PGD: variants seen among roughly 807,000 people sequenced by gnomAD.
PGD encodes phosphogluconate dehydrogenase, also known as 6-phosphogluconate dehydrogenase, decarboxylating.
A neutral mutation model predicts 60.4 loss-of-function variants in PGD; 21 were observed. That is an observed-to-expected ratio of 0.35 (90% confidence interval 0.25 to 0.50). PGD has a LOEUF of 0.50. PGD is among the 20% of genes least tolerant of loss of function. The pLI, the probability that PGD is intolerant of heterozygous loss-of-function variation, is 0.98. For missense variants in PGD, 477 were observed against 613.1 expected (o/e 0.78, Z 2.34); for synonymous variants, 230 against 235.9 (o/e 0.97, Z 0.23).
chr1:10,419,614 C>A lies in PGD; in HGVS notation c.1333-16C>A, dbSNP rs199525398. 2 of 1,613,920 alleles carry A rather than the reference C, an allele frequency of 1.2e-6. No homozygotes were observed. The highest frequency in any genetic ancestry group is 4.5e-5 in the East Asian group (2 of 44,896). On this transcript the variant is annotated splice_polypyrimidine_tract_variant and intron_variant, in intron 12 of 12. Transcript: ENST00000270776. ...GCCATGGACTGTCCTGACCAACCTA[C>A]TCTCTCGTTTCCTAGGCTCAGCGGG...
chr1:10,419,308 C>T (rs1302493158), intron 11 of PGD, 109 bp from the exon 12 acceptor site: 13 of 1,467,284 alleles, frequency 8.9e-6, no homozygotes, highest in South Asian at 6.4e-5. Flanking sequence ...TGAGCCACCG[C>T]GCCTGGCCTA....
At position 10,399,689 on chromosome 1, in the gene PGD, T is replaced by C. The variant is rs368472506; in HGVS notation, c.69T>C (p.Asn23=). Reference sequence around the variant, plus strand: ...GCCAGAACTTAATTCTGAACATGAATGACCACGGCTTTGTGGTAAGCGGCG... The same window carrying C: ...GCCAGAACTTAATTCTGAACATGAACGACCACGGCTTTGTGGTAAGCGGCG... ...VMGQNLILNM[N]DHGFVVCAFN... The change falls in exon 2 of 13, where the codon AAT becomes AAC. Residue 23 remains asparagine (N), a synonymous_variant. Transcript: ENST00000270776. 2 of 1,614,024 alleles carry C rather than the reference T, an allele frequency of 1.2e-6. No individual in the cohort carries two copies. Among genetic ancestry groups the C allele is most frequent in the Non-Finnish European group, 1.7e-6 (2 of 1,180,006 alleles).
intron 2 of PGD, 53 bp from the exon 3 acceptor site, chr1:10,400,339 GT>G: frequency 2.2e-6 from 3 of 1,371,076 alleles, no homozygotes; most frequent in Non-Finnish European, 3.1e-6. Flanking sequence ...TTTGGCCACA[GT>G]CTGAAAGTCT....
chr1:10,417,402 T>A lies in PGD; in HGVS notation c.1002T>A (p.Ser334=). ...RKALYASKII[S]YAQGFMLLRQ... is the part of the protein sequence containing the mutation. ...CACTCTACGCTTCCAAGATCATCTCTTACGCTCAAGGCTTTATGCTGCTAA... is the reference window on the plus strand; with the variant it reads ...CACTCTACGCTTCCAAGATCATCTCATACGCTCAAGGCTTTATGCTGCTAA... The change falls in exon 10 of 13, where the codon TCT becomes TCA. Residue 334 remains serine (S), a synonymous_variant. Coordinates refer to ENST00000270776, the MANE Select transcript of PGD (RefSeq NM_002631.4). 1 of 1,613,048 alleles carries A rather than the reference T, an allele frequency of 6.2e-7. No homozygotes were observed. The highest frequency in any genetic ancestry group is 8.5e-7 in the Non-Finnish European group (1 of 1,179,592).
At chr1:10,403,396 C>A (rs1639348052) in intron 4 of PGD, among the ~76,000 whole-genome samples, 1 of 151,924 alleles carries the variant, frequency 6.6e-6, no homozygotes, top group Admixed American at 6.6e-5. Flanking sequence ...TCAAGACCAT[C>A]CTGGCTAACA....
At chr1:10,401,701 T>C (rs1639318589) in intron 3 of PGD, among the ~76,000 whole-genome samples, 1 of 152,270 alleles carries the variant, frequency 6.6e-6, no homozygotes, top group African/African-American at 2.4e-5. Context: ...TGGAGCCTTG[T>C]AGGGGGAAGA....
chr1:10,417,147 G>C, intron 9 of PGD, 30 bp downstream of exon 9: 2 of 1,613,040 alleles, frequency 1.2e-6, no homozygotes, highest in Non-Finnish European at 1.7e-6. Context: ...AGTGGTCTTT[G>C]TTGGTCCTGC....
At position 10,400,558 on chromosome 1, in the gene PGD, T is replaced by G. The variant is rs369884533; in HGVS notation, c.250T>G (p.Phe84Val). 16 of 1,613,354 alleles carry G rather than the reference T, an allele frequency of 9.9e-6. No homozygotes were observed. Among genetic ancestry groups the G allele is most frequent in the Non-Finnish European group, 1.4e-5 (16 of 1,179,670 alleles). ...LVKAGQAVDD[F>V]IEKLVPLLDT... ...GAAGGCTGGGCAAGCTGTGGATGAT[T>G]TCATCGAGAAATTGGTGAGGCCAGC... The change falls in exon 3 of 13, where the codon TTC becomes GTC. Residue 84 changes from phenylalanine to valine, a missense_variant. Phe to Val is a conservative substitution (Grantham distance 50). Around this residue, in one of 3 missense-constraint regions of PGD, gnomAD observed 431 missense variants for 556.6 expected, o/e 0.77. Coordinates refer to ENST00000270776, the MANE Select transcript of PGD (RefSeq NM_002631.4).
chr1:10,399,150 C>T, intron 1 of PGD, 25 bp downstream of exon 1: 1 of 1,607,694 alleles, frequency 6.2e-7, no homozygotes, highest in Non-Finnish European at 8.5e-7. Flanking sequence ...AGGGGCAGCC[C>T]GGCTCGGCCT....
At position 10,403,140 on chromosome 1, in the gene PGD, A is replaced by G; in HGVS notation, c.330+4A>G. On this transcript the variant is annotated splice_donor_region_variant and intron_variant, in intron 4 of 12. Coordinates refer to ENST00000270776, the MANE Select transcript of PGD (RefSeq NM_002631.4). ...TTCTGAATATAGGGACACCACAGTA[A>G]GTGTTCTTCAGTCCAGATTCTTCCA... is the stretch of plus-strand genomic sequence containing the variant. The G allele has an allele frequency of 2.5e-6, 4 of 1,582,318 alleles. No homozygotes were observed. Among genetic ancestry groups the G allele is most frequent in the Non-Finnish European group, 3.5e-6 (4 of 1,151,054 alleles).
intron 8 of PGD, 26 bp downstream of exon 8, chr1:10,413,277 C>T (rs780848957): frequency 1.0e-5 from 16 of 1,596,250 alleles, no homozygotes; most frequent in Admixed American, 6.7e-5. Flanking sequence ...TCACATGGGC[C>T]CTTTCGTCCA....
chr1:10,400,395 C>G lies in PGD; in HGVS notation c.87C>G (p.Val29=). The G allele has an allele frequency of 6.2e-7, 1 of 1,611,642 alleles. No homozygotes were observed. Among genetic ancestry groups the G allele is most frequent in the Non-Finnish European group, 8.5e-7 (1 of 1,178,322 alleles). The change falls in exon 3 of 13, where the codon GTC becomes GTG. Residue 29 remains valine, a splice_region_variant and synonymous_variant. Coordinates refer to ENST00000270776, the MANE Select transcript of PGD (RefSeq NM_002631.4). ...ILNMNDHGFV[V]CAFNRTVSKV... ...ACTCAGGACTTTTGTCCTTCTAGGTCTGTGCTTTTAATAGGACTGTCTCCA... is the reference window on the plus strand; with the variant it reads ...ACTCAGGACTTTTGTCCTTCTAGGTGTGTGCTTTTAATAGGACTGTCTCCA...
intron 8 of PGD, 62 bp from the exon 9 acceptor site, chr1:10,416,925 G>C: frequency 6.4e-7 from 1 of 1,563,144 alleles, no homozygotes; most frequent in Non-Finnish European, 8.8e-7. Flanking sequence ...GGATATGATA[G>C]TTTAGCTTGG....
At chr1:10,402,475 C>T (rs892782157) in intron 3 of PGD, among the ~76,000 whole-genome samples, 8 of 151,238 alleles carry the variant, frequency 5.3e-5, no homozygotes, top group African/African-American at 1.5e-4. Context: ...GGCTTTTAGC[C>T]CAGGAGTTTG....
At chr1:10,417,352 G>C in intron 9 of PGD, 24 bp from the exon 10 acceptor site, 2 of 1,591,770 alleles carry the variant, frequency 1.3e-6, no homozygotes, top group Non-Finnish European at 8.6e-7. Flanking sequence ...GGCAATCCTA[G>C]TAGGTCTCTG....
At chr1:10,419,394 C>G in intron 11 of PGD, 23 bp from the exon 12 acceptor site, 3 of 1,606,704 alleles carry the variant, frequency 1.9e-6, no homozygotes, top group Non-Finnish European at 2.5e-6. Flanking sequence ...TCACTAATCT[C>G]TGGCCGTGCG....
At chr1:10,400,294 C>T (rs1639293227) in intron 2 of PGD, 99 bp from the exon 3 acceptor site, 1 of 922,786 alleles carries the variant, frequency 1.1e-6, no homozygotes, top group African/African-American at 1.6e-5. Flanking sequence ...TCTGACCTCC[C>T]CAGAACTTGG....
chr1:10,413,016 A>G, intron 7 of PGD, 46 bp from the exon 8 acceptor site: 4 of 1,539,876 alleles, frequency 2.6e-6, no homozygotes, highest in South Asian at 2.3e-5. Context: ...TTCCTTGCTC[A>G]GCCCTCATTC....
Position 10,419,910 on chromosome 1 carries a change from T to C in PGD, c.*161T>C. The C allele has an allele frequency of 1.2e-6, 1 of 824,614 alleles. No homozygotes were observed. Among genetic ancestry groups the C allele is most frequent in the East Asian group, 2.6e-5 (1 of 37,916 alleles). The allele number at this position is 824,614 out of a possible 1,614,324, so 51.1% of individuals were successfully genotyped here. ...ACACAGTTTATTTGTAAAGTAGCTCTGTGAGAGCCACCATGCCCTCTGCCC... is the reference window on the plus strand; with the variant it reads ...ACACAGTTTATTTGTAAAGTAGCTCCGTGAGAGCCACCATGCCCTCTGCCC... On this transcript the variant is annotated 3_prime_UTR_variant, in exon 13 of 13. Transcript: ENST00000270776.
Sources: allele counts gnomAD v4.1 joint callset (sites outside exome capture counted in the v4.1 genomes callset), GRCh38; gene constraint gnomAD v4.1.1; regional missense constraint gnomAD v4.1.1; transcripts MANE v1.5; gene names NCBI Gene and HGNC (gene_info 2026-07-23, HGNC 2026-07-21).